The following SLC14A2 variants were observed in gnomAD, a reference collection of about 807,000 sequenced individuals.
The protein encoded by SLC14A2 is urea transporter 2.
A neutral mutation model predicts 104.6 loss-of-function variants in SLC14A2; 91 were observed. The observed-to-expected ratio is 0.87, with a 90% confidence interval of 0.73 to 1.04. The LOEUF is 1.04. Ranked by LOEUF, SLC14A2 falls within the 50% of genes least tolerant of loss-of-function variation. The probability of loss-of-function intolerance (pLI) is 0.00; values close to 1 mark genes in which losing one functional copy is unlikely to be tolerated. For missense variants in SLC14A2, 1,189 were observed against 1,156.0 expected, an observed-to-expected ratio of 1.03 and a Z score of -0.41; for synonymous variants, 476 against 466.4, an observed-to-expected ratio of 1.02 and a Z score of -0.27.
At chr18:45,213,118 T>C (rs2083975847) in exon 1 of SLC14A2, 1 of 152,170 alleles carries the variant, frequency 6.6e-6, no homozygotes, top group African/African-American at 2.4e-5. Context: ...ATTGAAGTAT[T>C]TGCACCTCTA....
At chr18:45,616,786 G>T (rs1009810054) in intron 1 of SLC14A2, among the ~76,000 whole-genome samples, 2 of 152,056 alleles carry the variant, frequency 1.3e-5, no homozygotes, top group African/African-American at 2.4e-5. Flanking sequence ...AACATTGAAG[G>T]GTCACCCCAC....
the SLC14A2 span, among the ~76,000 whole-genome samples, chr18:45,175,354 TA>T: frequency 6.0e-5 from 9 of 150,662 alleles, no homozygotes; most frequent in African/African-American, 1.7e-4. Flanking sequence ...TTTAAAAAGG[TA>T]AAAAAAAGTG....
intron 2 of SLC14A2, among the ~76,000 whole-genome samples, chr18:45,521,512 C>T (rs72902306): frequency 0.1 from 15,525 of 151,884 alleles, 855 homozygotes; most frequent in Non-Finnish European, 0.12. Flanking sequence ...TTGAGAGAAG[C>T]CAGAAAGAAG....
At position 45,391,576 on chromosome 18, in the gene SLC14A2, C is replaced by T. The variant is rs575007425; in HGVS notation, c.-124-91657C>T. ...AAGTGTTCCTATTTCTCCACATCCT[C>T]TCCAGCACCTGTTGTTTCCTGACTT... On this transcript the variant is annotated intron_variant, in intron 1 of 20. Transcript: ENST00000586448. 3.9e-5 allele frequency among the ~76,000 whole-genome samples: 6 copies of T among 152,302 alleles called. No homozygotes were observed. The South Asian group carries it at 6.2e-4, about 16-fold the overall frequency.
chr18:45,414,199 C>A (rs1034579350), intron 1 of SLC14A2, among the ~76,000 whole-genome samples: 1 of 152,134 alleles, frequency 6.6e-6, no homozygotes, highest in African/African-American at 2.4e-5. Context: ...TTTGACCTGG[C>A]CAAGAGAAAA....
At chr18:45,302,334 G>T (rs1447166408) in intron 1 of SLC14A2, among the ~76,000 whole-genome samples, 6 of 152,198 alleles carry the variant, frequency 3.9e-5, no homozygotes, top group African/African-American at 1.2e-4. Context: ...TTGCAGGCAG[G>T]TGGGAGCCAT....
chr18:45,509,110 A>G (rs962628888), intron 2 of SLC14A2, among the ~76,000 whole-genome samples: 1 of 152,158 alleles, frequency 6.6e-6, no homozygotes, highest in Non-Finnish European at 1.5e-5. Context: ...GAGTCCAAGA[A>G]GTAGAAGGAA....
chr18:45,579,801 A>G (rs1314225849), intron 2 of SLC14A2, among the ~76,000 whole-genome samples: 1 of 152,218 alleles, frequency 6.6e-6, no homozygotes, highest in East Asian at 1.9e-4. Context: ...AGAAAACAGA[A>G]AAAGGGGCAG....
chr18:45,282,181 A>G (rs975466391), intron 1 of SLC14A2, among the ~76,000 whole-genome samples: 1 of 152,106 alleles, frequency 6.6e-6, no homozygotes, highest in African/African-American at 2.4e-5. Context: ...GGGTTTGAGA[A>G]CTGGTGACAC....
intron 2 of SLC14A2, among the ~76,000 whole-genome samples, chr18:45,564,192 T>G (rs577575499): frequency 1.3e-5 from 2 of 152,328 alleles, no homozygotes; most frequent in Non-Finnish European, 2.9e-5. Context: ...CATGATCGAG[T>G]GTATTCTTGA....
intron 1 of SLC14A2, among the ~76,000 whole-genome samples, chr18:45,467,050 C>A (rs2087157074): frequency 6.6e-6 from 1 of 152,098 alleles, no homozygotes; most frequent in African/African-American, 2.4e-5. Context: ...CAGGAATCAA[C>A]CCCCAATGAA....
chr18:45,368,947 C>A (rs1169643849), intron 1 of SLC14A2, among the ~76,000 whole-genome samples: 1 of 152,302 alleles, frequency 6.6e-6, no homozygotes, highest in East Asian at 1.9e-4. Flanking sequence ...GAATTCTCAT[C>A]ATCTTCAGCC....
intron 19 of SLC14A2, 21 bp from the exon 20 acceptor site, chr18:45,682,298 A>C: frequency 6.2e-7 from 1 of 1,612,014 alleles, no homozygotes; most frequent in Non-Finnish European, 8.5e-7. Flanking sequence ...ACCAAGGCTT[A>C]TCTGTGTTCT....
At chr18:45,361,812 T>A (rs7232797) in intron 1 of SLC14A2, among the ~76,000 whole-genome samples, 29,367 of 152,032 alleles carry the variant, frequency 0.19, 3,002 homozygotes, top group Non-Finnish European at 0.23. Context: ...TTTTTTTTTT[T>A]AAATCTTGAA....
chr18:45,325,181 C>A (rs1280936783), intron 1 of SLC14A2, among the ~76,000 whole-genome samples: 2 of 152,182 alleles, frequency 1.3e-5, no homozygotes, highest in African/African-American at 4.8e-5. Flanking sequence ...GGTTTCCAGG[C>A]AAAGACTTCC....
intron 1 of SLC14A2, among the ~76,000 whole-genome samples, chr18:45,456,476 G>T (rs751109219): frequency 6.6e-6 from 1 of 152,206 alleles, no homozygotes; most frequent in Non-Finnish European, 1.5e-5. Flanking sequence ...TTCCTGTAGA[G>T]GCCTGGGCTC....
intron 1 of SLC14A2, among the ~76,000 whole-genome samples, chr18:45,431,908 GC>G (rs1373351388): frequency 6.6e-6 from 1 of 152,152 alleles, no homozygotes; most frequent in Non-Finnish European, 1.5e-5. Flanking sequence ...AGAACCCTTG[GC>G]CTTTGGAGGG....
intron 12 of SLC14A2, 108 bp from the exon 13 acceptor site, chr18:45,666,827 A>T: frequency 1.1e-6 from 1 of 925,188 alleles, no homozygotes; most frequent in Non-Finnish European, 1.7e-6. Context: ...CAATTTAATG[A>T]AATACCAAAT....
intron 2 of SLC14A2, among the ~76,000 whole-genome samples, chr18:45,544,107 C>T (rs1019942635): frequency 4.6e-5 from 7 of 152,186 alleles, no homozygotes; most frequent in South Asian, 2.1e-4. Context: ...CCCAATGCAC[C>T]GTCCCCTTAG....
Sources: allele counts gnomAD v4.1 joint callset (sites outside exome capture counted in the v4.1 genomes callset), GRCh38; gene constraint gnomAD v4.1.1; transcripts MANE v1.5; gene names NCBI Gene and HGNC (gene_info 2026-07-23, HGNC 2026-07-21).